The following WDR70 variants were observed in gnomAD, a reference collection of about 807,000 sequenced individuals.
WDR70 encodes the protein WD repeat domain 70.
A neutral mutation model predicts 88.6 loss-of-function variants in WDR70; 53 were observed. The observed-to-expected ratio is 0.60, with a 90% confidence interval of 0.48 to 0.75. The LOEUF (loss-of-function observed/expected upper bound fraction) is 0.75, where lower values mean the gene tolerates loss of function less well. WDR70 is among the 30% of genes least tolerant of loss of function. WDR70 has a pLI of 0.00. For synonymous variants in WDR70, 280 were observed against 270.0 expected, an observed-to-expected ratio of 1.04 and a Z score of -0.36; for missense variants, 610 against 823.2, an observed-to-expected ratio of 0.74 and a Z score of 3.17.
At position 37,606,213 on chromosome 5, in the gene WDR70, G is replaced by A. The variant is rs554605511; in HGVS notation, c.1092+975G>A. Among the ~76,000 whole-genome samples the A allele has an allele frequency of 2.0e-5, 3 of 152,242 alleles. No homozygotes were observed. In the South Asian group the frequency reaches 6.2e-4, roughly 32 times the overall value. On this transcript the variant is annotated intron_variant, in intron 10 of 17. Transcript: ENST00000265107. ...ATGTGTTGGAAGAAGGTTAAAAAGT[G>A]TTGATAGACGGGAAAAGAATCTATA...
intron 7 of WDR70, among the ~76,000 whole-genome samples, chr5:37,469,682 C>T (rs187418676): frequency 1.3e-5 from 2 of 152,206 alleles, no homozygotes; most frequent in Non-Finnish European, 2.9e-5. Context: ...TTACTCTTTG[C>T]GTTGTAGGAG....
intron 10 of WDR70, among the ~76,000 whole-genome samples, chr5:37,613,920 T>A (rs1257435268): frequency 6.6e-6 from 1 of 152,212 alleles, no homozygotes; most frequent in African/African-American, 2.4e-5. Context: ...GAGTCTATAC[T>A]GAGAGTCAGG....
intron 10 of WDR70, among the ~76,000 whole-genome samples, chr5:37,678,130 C>T (rs1746296956): frequency 6.6e-6 from 1 of 152,100 alleles, no homozygotes; most frequent in African/African-American, 2.4e-5. Context: ...TGTGTCTCTG[C>T]ACGTGAGATG....
At chr5:37,574,713 G>C (rs1743006304) in intron 9 of WDR70, among the ~76,000 whole-genome samples, 1 of 151,946 alleles carries the variant, frequency 6.6e-6, no homozygotes, top group Non-Finnish European at 1.5e-5. Context: ...TAAAACTCTT[G>C]GTTTTCTTCT....
intron 7 of WDR70, among the ~76,000 whole-genome samples, chr5:37,451,601 A>G (rs944406573): frequency 2.2e-5 from 3 of 137,022 alleles, no homozygotes; most frequent in Non-Finnish European, 3.2e-5. Flanking sequence ...ACCACAATAG[A>G]TAACAAGGTA....
At chr5:37,716,528 G>A (rs1300555026) in intron 13 of WDR70, among the ~76,000 whole-genome samples, 2 of 152,138 alleles carry the variant, frequency 1.3e-5, no homozygotes, top group East Asian at 3.9e-4. Flanking sequence ...GGAATGAACA[G>A]TGGAGTTGGA....
chr5:37,424,981 C>T (rs1377654670), intron 5 of WDR70, among the ~76,000 whole-genome samples: 3 of 152,148 alleles, frequency 2.0e-5, no homozygotes, highest in African/African-American at 2.4e-5. Flanking sequence ...CGGTGGCTCA[C>T]GCCTGTAATC....
At chr5:37,667,620 G>A (rs1421880383) in intron 10 of WDR70, among the ~76,000 whole-genome samples, 11 of 152,060 alleles carry the variant, frequency 7.2e-5, no homozygotes, top group Admixed American at 3.9e-4. Flanking sequence ...AAGTTTTGCT[G>A]GATTGCATAG....
rs75453546 is a variant in WDR70, at chr5:37,567,183, G to C, written c.918-37881G>C. ...AAGATACCTGGAGTCTGGATCAACT[G>C]GGCTCATGGAAAATGAGTATCATCA... is the stretch of plus-strand genomic sequence containing the variant. On this transcript the variant is annotated intron_variant, in intron 9 of 17. Transcript: ENST00000265107. Among the ~76,000 whole-genome samples, 844 of 152,228 alleles carry C rather than the reference G, an allele frequency of 5.5e-3. 12 individuals carry two copies. Among genetic ancestry groups the C allele is most frequent in the African/African-American group, 0.019 (804 of 41,532 alleles).
intron 10 of WDR70, among the ~76,000 whole-genome samples, chr5:37,668,131 T>G (rs952595641): frequency 6.6e-6 from 1 of 152,160 alleles, no homozygotes; most frequent in Non-Finnish European, 1.5e-5. Flanking sequence ...GGGCTTTCTC[T>G]CTGGAAGGAC....
rs556306540 is a variant in WDR70 at position 37,622,627 on chromosome 5, A to C, written c.1092+17389A>C. 7.9e-5 allele frequency among the ~76,000 whole-genome samples: 12 copies of C among 152,280 alleles called. No individual in the cohort carries two copies. In the South Asian group the frequency reaches 2.5e-3, roughly 32 times the overall value. On this transcript the variant is annotated intron_variant, in intron 10 of 17. Coordinates refer to ENST00000265107, the MANE Select transcript of WDR70 (RefSeq NM_018034.4). The stretch of plus-strand genomic sequence containing the variant: ...GAAGCTGGAAATCATCATTCTCAGC[A>C]AACTATAGCAAGGACAAAAAACCAA...
intron 5 of WDR70, among the ~76,000 whole-genome samples, chr5:37,410,249 G>C (rs1480298824): frequency 6.8e-6 from 1 of 146,800 alleles, no homozygotes; most frequent in African/African-American, 2.6e-5. Context: ...ATGTTGCCAA[G>C]GCTGGTCTCG....
chr5:37,748,076 T>C (rs1244647661), intron 17 of WDR70, among the ~76,000 whole-genome samples: 1 of 152,222 alleles, frequency 6.6e-6, no homozygotes, highest in East Asian at 1.9e-4. Flanking sequence ...AAGTAATTTA[T>C]AGATTCAATG....
intron 8 of WDR70, among the ~76,000 whole-genome samples, chr5:37,500,543 C>A (rs1273664060): frequency 6.6e-6 from 1 of 152,056 alleles, no homozygotes; most frequent in Non-Finnish European, 1.5e-5. Flanking sequence ...GTTTACATTT[C>A]CACTAGCAGT....
chr5:37,469,753 A>C (rs1364897835), intron 7 of WDR70, among the ~76,000 whole-genome samples: 1 of 152,206 alleles, frequency 6.6e-6, no homozygotes, highest in Non-Finnish European at 1.5e-5. Context: ...GGCCTGGGTG[A>C]ACAGCTCTTC....
intron 7 of WDR70, among the ~76,000 whole-genome samples, chr5:37,474,019 A>T (rs528984763): frequency 6.6e-6 from 1 of 152,248 alleles, no homozygotes; most frequent in Non-Finnish European, 1.5e-5. Flanking sequence ...CACAAGTTCT[A>T]ATTCATTATA....
At chr5:37,630,613 T>A (rs1744785773) in intron 10 of WDR70, among the ~76,000 whole-genome samples, 1 of 152,146 alleles carries the variant, frequency 6.6e-6, no homozygotes, top group Non-Finnish European at 1.5e-5. Flanking sequence ...TTAGTGCAAT[T>A]GGGAGTGTGG....
At chr5:37,534,999 G>A (rs1005334816) in intron 9 of WDR70, among the ~76,000 whole-genome samples, 4 of 151,980 alleles carry the variant, frequency 2.6e-5, no homozygotes, top group African/African-American at 9.7e-5. Flanking sequence ...GTTTCACTCA[G>A]CAAATATTGT....
intron 8 of WDR70, chr5:37,506,088 C>T: frequency 7.9e-7 from 1 of 1,258,132 alleles, no homozygotes; most frequent in East Asian, 2.3e-5. Flanking sequence ...AAGATTTGCA[C>T]AGTAAAGATT....
Sources: gnomAD v4.1 joint callset for allele counts (sites outside exome capture counted in the v4.1 genomes callset) on GRCh38, gnomAD v4.1.1 for gene constraint, MANE v1.5 for transcripts, NCBI Gene and HGNC (gene_info 2026-07-23, HGNC 2026-07-21) for gene names.